RARB: variants seen among roughly 807,000 people sequenced by gnomAD.
RARB encodes retinoic acid receptor beta.
A neutral mutation model predicts 51.9 loss-of-function variants in RARB; 17 were observed. That is an observed-to-expected ratio of 0.33 (90% confidence interval 0.22 to 0.49). RARB has a LOEUF of 0.49. RARB is among the 20% of genes least tolerant of loss of function. RARB has a pLI of 0.99. For missense variants in RARB, 369 were observed against 550.8 expected, an observed-to-expected ratio of 0.67 and a Z score of 3.30; for synonymous variants, 215 against 195.4, an observed-to-expected ratio of 1.10 and a Z score of -0.84.
chr3:25,022,741 A>C (rs1434247285), intron 2 of RARB, among the ~76,000 whole-genome samples: 1 of 152,188 alleles, frequency 6.6e-6, no homozygotes, highest in Non-Finnish European at 1.5e-5. Context: ...TGTAGTTAAC[A>C]AGATGACAAT....
At chr3:25,475,253 C>T (rs1695889285) in intron 2 of RARB, among the ~76,000 whole-genome samples, 1 of 152,052 alleles carries the variant, frequency 6.6e-6, no homozygotes, top group Non-Finnish European at 1.5e-5. Context: ...CTTATGAGCT[C>T]TGGGCCTCAG....
At chr3:25,299,096 T>C (rs1575293734) in intron 5 of RARB, among the ~76,000 whole-genome samples, 1 of 152,224 alleles carries the variant, frequency 6.6e-6, no homozygotes, top group Non-Finnish European at 1.5e-5. Flanking sequence ...CAGGTTTACA[T>C]AATGTAAAAA....
intron 2 of RARB, among the ~76,000 whole-genome samples, chr3:25,471,087 T>C (rs1473259821): frequency 3.3e-5 from 5 of 152,388 alleles, no homozygotes; most frequent in Admixed American, 3.3e-4. Flanking sequence ...TATCTAATTA[T>C]ATAATGAATT....
intron 1 of RARB, among the ~76,000 whole-genome samples, chr3:25,459,188 T>C (rs2125552622): frequency 6.6e-6 from 1 of 152,312 alleles, no homozygotes; most frequent in African/African-American, 2.4e-5. Context: ...GGCATTTTAA[T>C]GAGAGAAATC....
chr3:24,865,572 G>C (rs1206050016), intron 2 of RARB, among the ~76,000 whole-genome samples: 1 of 152,094 alleles, frequency 6.6e-6, no homozygotes, highest in Admixed American at 6.6e-5. Context: ...GCTTTACTGA[G>C]TCTCACGTAG....
At chr3:25,210,377 T>C (rs1343565480) in intron 5 of RARB, among the ~76,000 whole-genome samples, 1 of 152,004 alleles carries the variant, frequency 6.6e-6, no homozygotes, top group Admixed American at 6.6e-5. Flanking sequence ...GCCAAATCCA[T>C]TGTGTATGCA....
intron 2 of RARB, among the ~76,000 whole-genome samples, chr3:25,024,181 A>G (rs1480760530): frequency 6.6e-6 from 1 of 152,242 alleles, no homozygotes; most frequent in Non-Finnish European, 1.5e-5. Flanking sequence ...ATAGAAACTC[A>G]TAAGACTTTT....
chr3:25,364,166 C>T (rs1182532011), intron 5 of RARB, among the ~76,000 whole-genome samples: 1 of 152,028 alleles, frequency 6.6e-6, no homozygotes, highest in African/African-American at 2.4e-5. Flanking sequence ...CCAGATTCTT[C>T]TGTTAGAATC....
chr3:25,129,634 TC>T (rs1244053432), intron 3 of RARB, among the ~76,000 whole-genome samples: 1 of 152,204 alleles, frequency 6.6e-6, no homozygotes, highest in African/African-American at 2.4e-5. Flanking sequence ...ATCTCTATCA[TC>T]TGATTGGTAT....
At chr3:25,136,478 T>TA (rs1700033277) in intron 4 of RARB, among the ~76,000 whole-genome samples, 1 of 152,028 alleles carries the variant, frequency 6.6e-6, no homozygotes, top group Admixed American at 6.6e-5. Context: ...TTATGTTTTG[T>TA]AAAAATAACC....
chr3:25,139,128 T>C (rs762252285), intron 4 of RARB, among the ~76,000 whole-genome samples: 3 of 152,072 alleles, frequency 2.0e-5, no homozygotes, highest in Admixed American at 6.6e-5. Context: ...TCTCCCTCTT[T>C]TCCAACTTCC....
chr3:25,551,191 C>T (rs1559463381), intron 3 of RARB, among the ~76,000 whole-genome samples: 1 of 152,054 alleles, frequency 6.6e-6, no homozygotes, highest in Non-Finnish European at 1.5e-5. Context: ...GTTACCTGAG[C>T]AGTTCACAAG....
chr3:25,196,072 A>C (rs1000821207), intron 5 of RARB, among the ~76,000 whole-genome samples: 2 of 151,628 alleles, frequency 1.3e-5, no homozygotes, highest in African/African-American at 4.8e-5. Context: ...TCAGCTCTAA[A>C]ATTTTTTTAC....
chr3:25,260,147 C>T (rs192469186), intron 5 of RARB, among the ~76,000 whole-genome samples: 4 of 152,212 alleles, frequency 2.6e-5, no homozygotes, highest in East Asian at 1.9e-4. Context: ...CTCTGATACC[C>T]GGTGGGCAGT....
chr3:24,829,701 T>G (rs1702254713), intron 1 of RARB, among the ~76,000 whole-genome samples: 1 of 152,154 alleles, frequency 6.6e-6, no homozygotes, highest in African/African-American at 2.4e-5. Context: ...TGTCTGACAG[T>G]CTCCCCGGAC....
At chr3:24,855,760 T>TC (rs1219911385) in intron 1 of RARB, among the ~76,000 whole-genome samples, 2 of 149,124 alleles carry the variant, frequency 1.3e-5, no homozygotes, top group African/African-American at 5.0e-5. Context: ...TTTTTTTTTT[T>TC]TTTTTGAGAC....
At chr3:25,283,824 C>G (rs1703582669) in intron 5 of RARB, among the ~76,000 whole-genome samples, 1 of 152,168 alleles carries the variant, frequency 6.6e-6, no homozygotes, top group Non-Finnish European at 1.5e-5. Context: ...AGCAACTCTA[C>G]TTTTGGGCAT....
rs191327578 is a variant in RARB, at chr3:24,852,587, C to T, written c.-458-6087C>T. Among the ~76,000 whole-genome samples the T allele has an allele frequency of 2.2e-3, 336 of 151,728 alleles. 3 individuals are homozygous for T. Among genetic ancestry groups the T allele is most frequent in the African/African-American group, 7.5e-3 (311 of 41,402 alleles). On this transcript the variant is annotated intron_variant, in intron 1 of 11. Coordinates refer to the RARB transcript ENST00000383772. Reference sequence around the variant, plus strand: ...TTTATGGTAGCATTATTCATAATAGCCCAACAAAAAAAAATAAATGTCCAC... The same window carrying T: ...TTTATGGTAGCATTATTCATAATAGTCCAACAAAAAAAAATAAATGTCCAC...
At chr3:25,294,557 C>A (rs137962630) in intron 5 of RARB, among the ~76,000 whole-genome samples, 2 of 152,236 alleles carry the variant, frequency 1.3e-5, no homozygotes, top group African/African-American at 4.8e-5. Flanking sequence ...CCAACCCAGG[C>A]TGAAGGGACT....
Sources: allele counts gnomAD v4.1 joint callset (sites outside exome capture counted in the v4.1 genomes callset), GRCh38; gene constraint gnomAD v4.1.1; transcripts MANE v1.5; gene names NCBI Gene and HGNC (gene_info 2026-07-23, HGNC 2026-07-21).